Variants in PTPRE observed in about 807,000 individuals in gnomAD.
PTPRE encodes the protein protein tyrosine phosphatase receptor type E.
A neutral mutation model predicts 102.0 loss-of-function variants in PTPRE; 51 were observed. The observed-to-expected ratio is 0.50, with a 90% CI of 0.40 to 0.63. The LOEUF (loss-of-function observed/expected upper bound fraction) is 0.63. PTPRE is among the 30% of genes least tolerant of loss of function. PTPRE has a pLI of 0.00. For missense variants in PTPRE, 752 were observed against 915.1 expected, an observed-to-expected ratio of 0.82 and a Z score of 2.30; for synonymous variants, 345 against 348.2, an observed-to-expected ratio of 0.99 and a Z score of 0.10.
intron 2 of PTPRE, among the ~76,000 whole-genome samples, chr10:128,004,512 C>A (rs1854317175): frequency 6.6e-6 from 1 of 152,058 alleles, no homozygotes; most frequent in East Asian, 1.9e-4. Flanking sequence ...CAGTATGGGA[C>A]CTTTTGTGTC....
intron 2 of PTPRE, among the ~76,000 whole-genome samples, chr10:127,992,071 T>TGGGTTC (rs1852721864): frequency 6.6e-6 from 1 of 152,036 alleles, no homozygotes; most frequent in Non-Finnish European, 1.5e-5. Context: ...GGATCAGATT[T>TGGGTTC]TACCCAGTAG....
At chr10:127,972,825 G>T (rs1213867373) in intron 1 of PTPRE, among the ~76,000 whole-genome samples, 1 of 152,172 alleles carries the variant, frequency 6.6e-6, no homozygotes, top group Non-Finnish European at 1.5e-5. Flanking sequence ...GGAGGCCTAG[G>T]GTTCTGCAGG....
rs1212273035 is a variant in PTPRE at position 128,047,465 on chromosome 10, T to C, written c.185T>C (p.Leu62Pro). 1.9e-6 allele frequency: 3 copies of C among 1,613,402 alleles called. No homozygotes were observed. The highest frequency in any genetic ancestry group is 2.5e-6 in the Non-Finnish European group (3 of 1,180,018). The change falls in exon 4 of 21, where the codon CTC (leucine) becomes CCC (proline). Residue 62 changes from leucine to proline, a missense_variant. By Grantham distance (98) the Leu-to-Pro change is moderately conservative (BLOSUM62 -3). Around this residue, in one of 2 missense-constraint regions of PTPRE, gnomAD observed 116 missense variants for 90.8 expected, o/e 1.28. Transcript: ENST00000254667. ...LLPLLLLLLVLLLAAYFFRFR... is the reference protein window; with the variant it reads ...LLPLLLLLLVPLLAAYFFRFR... Reference sequence around the variant, plus strand: ...CCGCTGCTGCTCCTCCTCCTCGTGCTCCTTCTCGCCGCCTACTTCTTCAGG... The same window carrying C: ...CCGCTGCTGCTCCTCCTCCTCGTGCCCCTTCTCGCCGCCTACTTCTTCAGG...
chr10:128,001,069 G>A (rs1853831495), intron 2 of PTPRE, among the ~76,000 whole-genome samples: 3 of 152,192 alleles, frequency 2.0e-5, no homozygotes, highest in Admixed American at 6.5e-5. Context: ...GAGAATATTT[G>A]GCTATTTCAT....
intron 2 of PTPRE, among the ~76,000 whole-genome samples, chr10:127,989,064 T>C (rs10458714): frequency 2.0e-5 from 3 of 152,320 alleles, no homozygotes; most frequent in East Asian, 1.9e-4. Flanking sequence ...TTAAAAAATA[T>C]GTTGATAGTA....
At chr10:127,973,936 G>A (rs549288876) in intron 1 of PTPRE, among the ~76,000 whole-genome samples, 9 of 152,250 alleles carry the variant, frequency 5.9e-5, no homozygotes, top group East Asian at 5.8e-4. Context: ...CTCCCCGGCC[G>A]CCCACCACTG....
Position 128,047,363 on chromosome 10 carries a change from G to A in PTPRE, c.110-27G>A, listed in dbSNP as rs61758316. 8,820 of 1,610,424 alleles carry A rather than the reference G, an allele frequency of 5.5e-3. 46 individuals are homozygous for A. The highest frequency in any genetic ancestry group is 6.1e-3 in the Non-Finnish European group (7,190 of 1,178,894). On this transcript the variant is annotated intron_variant, in intron 3 of 20. Transcript: ENST00000254667. ...TGCAAACTGTGAAGTGAGGTCAGGG[G>A]TTAGGGTCTTTCTGCTTCTCCTGCA...
rs142826866 is a variant in PTPRE at position 127,938,532 on chromosome 10, A to T, written c.-31+31223A>T. On this transcript the variant is annotated intron_variant, in intron 1 of 20. Coordinates refer to ENST00000254667, the MANE Select transcript of PTPRE (RefSeq NM_006504.6). ...GGGAGGATCGCTTGAGCCTGTGAGT[A>T]CAAGGCTAGCTTGGGCAATTTTGGG... Among the ~76,000 whole-genome samples, 802 of 152,250 alleles carry T rather than the reference A, an allele frequency of 5.3e-3. 4 individuals carry two copies. Among genetic ancestry groups the T allele is most frequent in the African/African-American group, 0.018 (749 of 41,552 alleles).
intron 1 of PTPRE, among the ~76,000 whole-genome samples, chr10:127,928,384 T>C (rs967463947): frequency 6.6e-6 from 1 of 152,222 alleles, no homozygotes; most frequent in South Asian, 2.1e-4. Flanking sequence ...TCCTTGGAGC[T>C]TGGAATTCCT....
At chr10:127,932,738 G>A (rs1847536308) in intron 1 of PTPRE, among the ~76,000 whole-genome samples, 1 of 152,222 alleles carries the variant, frequency 6.6e-6, no homozygotes, top group Non-Finnish European at 1.5e-5. Flanking sequence ...AGAAGCCTGG[G>A]CCTGGCCTGG....
chr10:127,967,093 A>G (rs1432166935), intron 1 of PTPRE, among the ~76,000 whole-genome samples: 1 of 152,206 alleles, frequency 6.6e-6, no homozygotes, highest in African/African-American at 2.4e-5. Flanking sequence ...CTCCATGCTC[A>G]TGGTCATTTG....
At chr10:128,001,635 C>A (rs577282602) in intron 2 of PTPRE, among the ~76,000 whole-genome samples, 1 of 152,234 alleles carries the variant, frequency 6.6e-6, no homozygotes, top group South Asian at 2.1e-4. Flanking sequence ...TGCTCAGGTC[C>A]CCTGTTCCTG....
At chr10:128,065,901 T>A (rs1361738080) in intron 10 of PTPRE, among the ~76,000 whole-genome samples, 174 bp from the exon 11 acceptor site, 1 of 152,232 alleles carries the variant, frequency 6.6e-6, no homozygotes, top group East Asian at 1.9e-4. Context: ...GTTCACCAGT[T>A]ACGCAGCCTC....
At chr10:127,997,394 TCAA>T (rs1241884972) in intron 2 of PTPRE, among the ~76,000 whole-genome samples, 3 of 152,148 alleles carry the variant, frequency 2.0e-5, no homozygotes, top group African/African-American at 7.2e-5. Flanking sequence ...CTGTGAGGCA[TCAA>T]CATCCTCCCC....
chr10:127,979,368 T>C (rs978122445), intron 1 of PTPRE, among the ~76,000 whole-genome samples: 1 of 152,250 alleles, frequency 6.6e-6, no homozygotes, highest in African/African-American at 2.4e-5. Context: ...AGCGTCGCAG[T>C]GTTGGCCTAA....
chr10:128,025,036 G>A (rs1335530125), intron 2 of PTPRE, among the ~76,000 whole-genome samples: 1 of 151,534 alleles, frequency 6.6e-6, no homozygotes, highest in Non-Finnish European at 1.5e-5. Context: ...GTGCATAACT[G>A]TAGTTCCAGC....
chr10:127,945,087 A>G (rs1461661470), intron 1 of PTPRE, among the ~76,000 whole-genome samples: 1 of 152,168 alleles, frequency 6.6e-6, no homozygotes, highest in Non-Finnish European at 1.5e-5. Flanking sequence ...TATCTCCTTC[A>G]TTGGACCTCA....
intron 2 of PTPRE, among the ~76,000 whole-genome samples, chr10:127,985,136 C>T (rs1444171072): frequency 6.6e-6 from 1 of 152,234 alleles, no homozygotes; most frequent in East Asian, 1.9e-4. Flanking sequence ...ACAGCCACCG[C>T]CCACACTGGG....
At chr10:128,079,759 A>G (rs1038189196) in intron 20 of PTPRE, 64 bp downstream of exon 20, 16 of 1,549,476 alleles carry the variant, frequency 1.0e-5, no homozygotes, top group Non-Finnish European at 1.4e-5. Flanking sequence ...TATTTGATGT[A>G]TGTTTCATTA....
Sources: allele counts gnomAD v4.1 joint callset (sites outside exome capture counted in the v4.1 genomes callset), GRCh38; gene constraint gnomAD v4.1.1; regional missense constraint gnomAD v4.1.1; transcripts MANE v1.5; gene names NCBI Gene and HGNC (gene_info 2026-07-23, HGNC 2026-07-21).